The following PIGK variants were observed in gnomAD, a reference collection of about 807,000 sequenced individuals.
PIGK encodes the protein GPI-anchor transamidase.
PIGK carries 42 observed loss-of-function variants against 50.6 expected under a neutral mutation model. The observed-to-expected ratio is 0.83, with a 90% CI of 0.65 to 1.07. The LOEUF is 1.07. Among genes scored for constraint, PIGK ranks in the 50% least tolerant of loss-of-function variants. The pLI, the probability that PIGK is intolerant of heterozygous loss-of-function variation, is 0.00. For missense variants in PIGK, 448 were observed against 488.7 expected (o/e 0.92, Z 0.78); for synonymous variants, 151 against 156.0 (o/e 0.97, Z 0.24).
chr1:77,108,963 T>C (rs762086700), intron 10 of PIGK, among the ~76,000 whole-genome samples: 42 of 152,312 alleles, frequency 2.8e-4, no homozygotes, highest in African/African-American at 9.9e-4. Flanking sequence ...AGGACTTCTC[T>C]ACATTGGTTA....
intron 10 of PIGK, among the ~76,000 whole-genome samples, chr1:77,102,593 C>A (rs1653575215): frequency 6.6e-6 from 1 of 152,070 alleles, no homozygotes; most frequent in South Asian, 2.1e-4. Flanking sequence ...TTCCCCACAC[C>A]CTCCAGAAAT....
chr1:77,207,159 T>C (rs1656306697), intron 2 of PIGK, among the ~76,000 whole-genome samples: 1 of 152,116 alleles, frequency 6.6e-6, no homozygotes, highest in African/African-American at 2.4e-5. Flanking sequence ...AGAGCAAGAC[T>C]CTGTCTCAAC....
intron 9 of PIGK, among the ~76,000 whole-genome samples, chr1:77,135,456 C>A (rs1032331309): frequency 1.3e-5 from 2 of 151,878 alleles, no homozygotes; most frequent in African/African-American, 4.8e-5. Flanking sequence ...TTTAAGCTTT[C>A]TTTTGGTGAG....
At chr1:77,151,045 TA>T (rs1046991895) in intron 9 of PIGK, among the ~76,000 whole-genome samples, 1 of 151,486 alleles carries the variant, frequency 6.6e-6, no homozygotes, top group African/African-American at 2.4e-5. Context: ...CACACACACA[TA>T]AAAAATCTAA....
chr1:77,166,795 C>G lies in PIGK; in HGVS notation c.411G>C (p.Gly137=). Residue 137 remains glycine, a synonymous_variant, in exon 5 of 11, where the codon GGG becomes GGC. Transcript: ENST00000370812. ...TVENFLRVLT[G]RIPPSTPRSK... is the part of the protein sequence containing the mutation. ...ACCGAGGAGTACTAGGTGGGATCCT[C>G]CCAGTTAATACCCGTAAAAAATTCT... The G allele has an allele frequency of 6.3e-7, 1 of 1,599,888 alleles. No homozygotes were observed.
intron 1 of PIGK, among the ~76,000 whole-genome samples, chr1:77,216,637 G>T (rs1656573435): frequency 6.6e-6 from 1 of 151,800 alleles, no homozygotes; most frequent in African/African-American, 2.4e-5. Flanking sequence ...GTGTGTGGGG[G>T]GGTGTGTGTG....
intron 9 of PIGK, chr1:77,129,355 G>T: frequency 6.3e-7 from 1 of 1,578,942 alleles, no homozygotes; most frequent in Non-Finnish European, 8.7e-7. Flanking sequence ...TGGACACAAG[G>T]TCGGTGGCCC....
At chr1:77,093,786 G>T (rs1261707051) in intron 10 of PIGK, among the ~76,000 whole-genome samples, 3 of 151,962 alleles carry the variant, frequency 2.0e-5, no homozygotes, top group African/African-American at 7.2e-5. Context: ...GTCTGCAGTG[G>T]CTTCCACTCA....
intron 6 of PIGK, among the ~76,000 whole-genome samples, chr1:77,162,752 C>T (rs1655157233): frequency 6.7e-6 from 1 of 149,470 alleles, no homozygotes; most frequent in Admixed American, 6.7e-5. Flanking sequence ...ACAGTATCAT[C>T]GAAGAAAGTG....
intron 3 of PIGK, among the ~76,000 whole-genome samples, chr1:77,178,661 T>C (rs1655539758): frequency 6.6e-6 from 1 of 152,190 alleles, no homozygotes; most frequent in South Asian, 2.1e-4. Flanking sequence ...ATGGGGACCC[T>C]GGGTAAGGAG....
intron 10 of PIGK, among the ~76,000 whole-genome samples, chr1:77,107,279 G>C (rs914416528): frequency 2.6e-5 from 4 of 152,056 alleles, no homozygotes; most frequent in Admixed American, 2.6e-4. Context: ...AGAGATTCTG[G>C]TATGTTGTGA....
At chr1:77,209,965 G>A (rs902805461) in intron 2 of PIGK, among the ~76,000 whole-genome samples, 1 of 151,944 alleles carries the variant, frequency 6.6e-6, no homozygotes, top group African/African-American at 2.4e-5. Context: ...TTTAATTGAG[G>A]TGAAATTCAC....
intron 10 of PIGK, among the ~76,000 whole-genome samples, chr1:77,099,560 A>G (rs554092758): frequency 5.9e-5 from 9 of 152,320 alleles, no homozygotes; most frequent in African/African-American, 2.2e-4. Context: ...ATAGCATTAC[A>G]GCAACATAAT....
In PIGK at chr1:77,092,081, A is replaced by C. The variant is rs1217559773; in HGVS notation, c.*293T>G. ...TTCACAATTGTTTCTTTTCCAAATGAAAAGGGGATAAGGGGAAATTACTAT... is the reference window on the plus strand; with the variant it reads ...TTCACAATTGTTTCTTTTCCAAATGCAAAGGGGATAAGGGGAAATTACTAT... On this transcript the variant is annotated 3_prime_UTR_variant, in exon 11 of 11. Transcript: ENST00000370812. 5 of 169,494 alleles carry C rather than the reference A, an allele frequency of 2.9e-5. No homozygotes were observed. The highest frequency in any genetic ancestry group is 5.0e-5 in the Non-Finnish European group (4 of 80,094). 10.5% of individuals were successfully genotyped at this position (169,494 alleles called of 1,614,324 possible). A position where few individuals can be genotyped will look rare whatever the true frequency, so the allele number is the denominator to read the frequency against.
chr1:77,108,644 C>A (rs938102597), intron 10 of PIGK, among the ~76,000 whole-genome samples: 11 of 151,924 alleles, frequency 7.2e-5, no homozygotes, highest in Admixed American at 7.2e-4. Flanking sequence ...GCCTGCCTTG[C>A]TAGGCTGGGG....
chr1:77,212,353 A>T (rs1656439788), intron 1 of PIGK, among the ~76,000 whole-genome samples: 1 of 152,166 alleles, frequency 6.6e-6, no homozygotes, highest in South Asian at 2.1e-4. Flanking sequence ...TCCATCTATA[A>T]AACAGTAATA....
At chr1:77,125,781 A>T (rs1654217678) in intron 9 of PIGK, among the ~76,000 whole-genome samples, 1 of 152,142 alleles carries the variant, frequency 6.6e-6, no homozygotes, top group Non-Finnish European at 1.5e-5. Context: ...AAAAAGTTTT[A>T]TTATAACTTT....
In PIGK at chr1:77,161,601, G is replaced by C; in HGVS notation, c.695C>G (p.Ser232Ter). 1 of 1,413,896 alleles carries C rather than the reference G, an allele frequency of 7.1e-7. No homozygotes were observed. Among genetic ancestry groups the C allele is most frequent in the Non-Finnish European group, 1.0e-6 (1 of 997,340 alleles). The allele number at this position is 1,413,896 out of a possible 1,614,324, so 87.6% of individuals were successfully genotyped here. ...ALASSQVGED[S>*]LSHQPDPAIG... ...TGGGGAAAATGCACATACCGAGAGTGAATCTTCTCCCACTTGACTACTAGC... is the reference window on the plus strand; with the variant it reads ...TGGGGAAAATGCACATACCGAGAGTCAATCTTCTCCCACTTGACTACTAGC... Residue 232 changes from serine (S) to a stop codon, truncating the protein, a stop_gained, in exon 7 of 11, where the codon TCA (serine) becomes TGA (stop). Coordinates refer to ENST00000370812, the MANE Select transcript of PIGK (RefSeq NM_005482.3). LOFTEE classifies it high-confidence loss of function.
intron 3 of PIGK, among the ~76,000 whole-genome samples, chr1:77,201,092 T>C (rs1656154849): frequency 1.3e-5 from 2 of 152,178 alleles, no homozygotes; most frequent in East Asian, 3.8e-4. Context: ...CTCTTACGTA[T>C]AAGGCCAAAT....
Sources: allele counts gnomAD v4.1 joint callset (sites outside exome capture counted in the v4.1 genomes callset), GRCh38; gene constraint gnomAD v4.1.1; transcripts MANE v1.5; gene names NCBI Gene and HGNC (gene_info 2026-07-23, HGNC 2026-07-21).